The following PID1 variants were observed in gnomAD, a reference collection of about 807,000 sequenced individuals.
PID1 encodes PTB-containing, cubilin and LRP1-interacting protein.
A neutral mutation model predicts 19.1 loss-of-function variants in PID1; 10 were observed. The observed-to-expected ratio is 0.52, with a 90% CI of 0.32 to 0.89. The LOEUF (loss-of-function observed/expected upper bound fraction) is 0.89. Ranked by LOEUF, PID1 falls within the 40% of genes least tolerant of loss-of-function variation. PID1 has a pLI of 0.03. For synonymous variants in PID1, 130 were observed against 116.0 expected (o/e 1.12, Z -0.78); for missense variants, 248 against 285.3 (o/e 0.87, Z 0.94).
chr2:229,129,765 T>C (rs566877588), intron 2 of PID1, among the ~76,000 whole-genome samples: 31 of 152,302 alleles, frequency 2.0e-4, no homozygotes, highest in Admixed American at 6.5e-4. Flanking sequence ...AAACTAGATG[T>C]TTCTCTTGCT....
chr2:229,129,546 G>A (rs1033810840), intron 2 of PID1, among the ~76,000 whole-genome samples: 1 of 152,068 alleles, frequency 6.6e-6, no homozygotes, highest in Non-Finnish European at 1.5e-5. Context: ...TTCATTGCCT[G>A]GCAGTTCTCC....
At chr2:229,213,977 C>T (rs1023720787) in intron 1 of PID1, among the ~76,000 whole-genome samples, 10 of 152,124 alleles carry the variant, frequency 6.6e-5, no homozygotes, top group Non-Finnish European at 1.0e-4. Flanking sequence ...GAAGACCTTC[C>T]CTGTTATCCC....
chr2:229,224,768 T>C (rs944532190), intron 1 of PID1, among the ~76,000 whole-genome samples: 1 of 151,878 alleles, frequency 6.6e-6, no homozygotes, highest in Non-Finnish European at 1.5e-5. Flanking sequence ...TTAATTAAAC[T>C]GTCCTGCTGC....
At chr2:229,131,032 G>A (rs181308016) in intron 2 of PID1, among the ~76,000 whole-genome samples, 4 of 152,056 alleles carry the variant, frequency 2.6e-5, no homozygotes, top group Non-Finnish European at 2.9e-5. Context: ...GATCAAGGTC[G>A]CTCCCTACTC....
At chr2:229,114,593 G>A (rs535517354) in intron 2 of PID1, among the ~76,000 whole-genome samples, 33 of 152,134 alleles carry the variant, frequency 2.2e-4, no homozygotes, top group Admixed American at 3.9e-4. Context: ...TGCTAAGCAT[G>A]CCAAATGACC....
intron 2 of PID1, among the ~76,000 whole-genome samples, chr2:229,154,000 T>C (rs1690313342): frequency 6.6e-6 from 1 of 152,196 alleles, no homozygotes; most frequent in African/African-American, 2.4e-5. Context: ...CACTTTCAAA[T>C]TTATAATTCC....
chr2:229,163,888 C>A (rs1690547147), intron 1 of PID1, among the ~76,000 whole-genome samples: 1 of 152,180 alleles, frequency 6.6e-6, no homozygotes, highest in Non-Finnish European at 1.5e-5. Context: ...GGGTTACAAG[C>A]TGCCTCTAGG....
At chr2:229,131,592 A>T (rs1394063299) in intron 2 of PID1, among the ~76,000 whole-genome samples, 1 of 152,160 alleles carries the variant, frequency 6.6e-6, no homozygotes, top group Non-Finnish European at 1.5e-5. Context: ...TGTGAAAATC[A>T]CCATTTTGGC....
At chr2:229,080,615 T>G (rs772096171) in intron 2 of PID1, among the ~76,000 whole-genome samples, 1 of 152,216 alleles carries the variant, frequency 6.6e-6, no homozygotes, top group Non-Finnish European at 1.5e-5. Context: ...CATGTCTTTC[T>G]CTAGGAACCT....
intron 2 of PID1, among the ~76,000 whole-genome samples, chr2:229,067,333 A>T (rs1409922278): frequency 6.6e-6 from 1 of 152,110 alleles, no homozygotes; most frequent in Admixed American, 6.5e-5. Flanking sequence ...AAATAATTCA[A>T]TTTCTTAGCA....
At chr2:229,081,504 G>A (rs1167045619) in intron 2 of PID1, among the ~76,000 whole-genome samples, 1 of 152,202 alleles carries the variant, frequency 6.6e-6, no homozygotes, top group African/African-American at 2.4e-5. Flanking sequence ...AGCTGATTTA[G>A]CAGCCAGCAG....
intron 2 of PID1, among the ~76,000 whole-genome samples, chr2:229,133,749 T>G (rs1446862987): frequency 6.6e-6 from 1 of 152,204 alleles, no homozygotes; most frequent in African/African-American, 2.4e-5. Flanking sequence ...TCAGAATTAT[T>G]GACATTTGAG....
chr2:229,055,456 A>G (rs1374936309), intron 2 of PID1, among the ~76,000 whole-genome samples: 2 of 152,234 alleles, frequency 1.3e-5, no homozygotes, highest in Non-Finnish European at 1.5e-5. Flanking sequence ...AGATAAGCAG[A>G]GGAAAAAATA....
chr2:229,243,865 C>G (rs529000492), intron 1 of PID1, among the ~76,000 whole-genome samples: 1 of 152,246 alleles, frequency 6.6e-6, no homozygotes, highest in East Asian at 1.9e-4. Context: ...AATTTAGTAA[C>G]TCTCAGCTTT....
intron 2 of PID1, among the ~76,000 whole-genome samples, chr2:229,054,202 A>G (rs1278623521): frequency 6.6e-6 from 1 of 152,232 alleles, no homozygotes; most frequent in East Asian, 1.9e-4. Flanking sequence ...TACAACTGAT[A>G]CACCCATCAG....
chr2:229,188,080 T>C (rs933480041), intron 1 of PID1, among the ~76,000 whole-genome samples: 106 of 152,306 alleles, frequency 7.0e-4, no homozygotes, highest in African/African-American at 2.5e-3. Context: ...ATGACACAAA[T>C]TATACATTAC....
chr2:229,079,066 G>C (rs1295848262), intron 2 of PID1, among the ~76,000 whole-genome samples: 1 of 152,076 alleles, frequency 6.6e-6, no homozygotes, highest in African/African-American at 2.4e-5. Flanking sequence ...AAACAAAAAG[G>C]GAGGAAATAA....
At chr2:229,054,845 G>A (rs1167471314) in intron 2 of PID1, among the ~76,000 whole-genome samples, 3 of 151,738 alleles carry the variant, frequency 2.0e-5, no homozygotes, top group African/African-American at 7.3e-5. Context: ...GCTCCCTCAT[G>A]GATTGGTAAG....
chr2:229,201,999 T>G (rs1574717198), intron 1 of PID1, among the ~76,000 whole-genome samples: 1 of 152,222 alleles, frequency 6.6e-6, no homozygotes, highest in South Asian at 2.1e-4. Context: ...AGGCCTAGGC[T>G]TTCCTCCTGC....
Sources: gnomAD v4.1 joint callset for allele counts (sites outside exome capture counted in the v4.1 genomes callset) on GRCh38, gnomAD v4.1.1 for gene constraint, MANE v1.5 for transcripts, NCBI Gene and HGNC (gene_info 2026-07-23, HGNC 2026-07-21) for gene names.